Variants in PACRG observed in about 807,000 individuals in gnomAD.
PACRG encodes the protein parkin coregulated, also known as parkin coregulated gene protein.
PACRG carries 29 observed loss-of-function variants against 29.7 expected under a neutral mutation model. The ratio of observed to expected loss-of-function variants is 0.98; its 90% CI spans 0.73 to 1.33. The LOEUF is 1.33. Among genes scored for constraint, PACRG ranks in the 40% most tolerant of loss-of-function variants. The pLI, the probability that PACRG is intolerant of heterozygous loss-of-function variation, is 0.00. For synonymous variants in PACRG, 116 were observed against 118.7 expected, an observed-to-expected ratio of 0.98 and a Z score of 0.15; for missense variants, 279 against 316.2, an observed-to-expected ratio of 0.88 and a Z score of 0.89.
intron 4 of PACRG, among the ~76,000 whole-genome samples, chr6:163,277,909 C>A (rs928969899): frequency 1.3e-5 from 2 of 152,094 alleles, no homozygotes; most frequent in African/African-American, 4.8e-5. Context: ...AAGGAATCTC[C>A]ACACTATTTT....
rs199756569 is a variant in PACRG, at chr6:162,982,069, A to AT, written c.292-80078dup. Among the ~76,000 whole-genome samples, 1,077 of 151,716 alleles carry AT rather than the reference A, an allele frequency of 7.1e-3. 15 individuals are homozygous for AT. Among genetic ancestry groups the AT allele is most frequent in the African/African-American group, 0.025 (1,032 of 41,424 alleles). ...TTATCTATCTCCTCCAGATTTTCTA[A>AT]TTTGTGTGCATAAAGGTGTCTACAG... On this transcript the variant is annotated intron_variant, in intron 2 of 4. Coordinates refer to ENST00000366888, the MANE Select transcript of PACRG (RefSeq NM_001080379.2).
At chr6:163,244,778 A>C (rs1207408668) in intron 4 of PACRG, among the ~76,000 whole-genome samples, 1 of 152,258 alleles carries the variant, frequency 6.6e-6, no homozygotes, top group African/African-American at 2.4e-5. Context: ...AGTGAGCAGT[A>C]CTAAAATGAA....
At chr6:162,820,169 ATGCTGTGAATAAATTAATTAGATG>A (rs1787720150) in intron 2 of PACRG, among the ~76,000 whole-genome samples, 1 of 152,220 alleles carries the variant, frequency 6.6e-6, no homozygotes, top group Non-Finnish European at 1.5e-5. Flanking sequence ...AGTAAAGGAA[ATGCTGTGAATAAATTAATTAGATG>A]CATAAATCAG....
chr6:163,137,006 A>G (rs980574397), intron 4 of PACRG, among the ~76,000 whole-genome samples: 30 of 152,216 alleles, frequency 2.0e-4, no homozygotes, highest in Admixed American at 9.8e-4. Context: ...CGGAACTCCT[A>G]TTTACAGCCA....
chr6:162,824,545 AT>A (rs1219078687), intron 2 of PACRG, among the ~76,000 whole-genome samples: 1 of 152,108 alleles, frequency 6.6e-6, no homozygotes, highest in Admixed American at 6.5e-5. Flanking sequence ...TTCATAGATA[AT>A]TTTGTGGTAT....
intron 2 of PACRG, among the ~76,000 whole-genome samples, chr6:162,908,070 G>A (rs1487968791): frequency 2.6e-5 from 4 of 152,050 alleles, no homozygotes; most frequent in African/African-American, 9.7e-5. Flanking sequence ...CTGCAATTTG[G>A]GTATGTAACC....
intron 1 of PACRG, among the ~76,000 whole-genome samples, chr6:162,799,723 A>G (rs1378813635): frequency 6.6e-6 from 1 of 152,022 alleles, no homozygotes; most frequent in Non-Finnish European, 1.5e-5. Flanking sequence ...CTTCTGGAGA[A>G]TTTCAGTTTG....
chr6:163,163,289 C>T (rs887192355), intron 4 of PACRG, among the ~76,000 whole-genome samples: 7 of 151,922 alleles, frequency 4.6e-5, no homozygotes, highest in African/African-American at 1.2e-4. Context: ...GTTTTCTTTT[C>T]GAGACAGAGT....
chr6:163,292,174 C>T (rs1000804586), intron 4 of PACRG, among the ~76,000 whole-genome samples: 1 of 152,082 alleles, frequency 6.6e-6, no homozygotes, highest in African/African-American at 2.4e-5. Flanking sequence ...GCGGTGGTGG[C>T]AACAGAAACA....
chr6:163,028,555 C>G (rs1807358074), intron 2 of PACRG, among the ~76,000 whole-genome samples: 1 of 151,862 alleles, frequency 6.6e-6, no homozygotes, highest in South Asian at 2.1e-4. Context: ...AAAACTGGCT[C>G]CATACAAATA....
chr6:162,730,432 A>G (rs2128247215), intron 1 of PACRG, among the ~76,000 whole-genome samples: 1 of 152,048 alleles, frequency 6.6e-6, no homozygotes, highest in African/African-American at 2.4e-5. Context: ...CACCCTCCAA[A>G]CCACTTTTCC....
intron 4 of PACRG, among the ~76,000 whole-genome samples, chr6:163,173,964 C>G (rs544745566): frequency 6.6e-6 from 1 of 152,340 alleles, no homozygotes; most frequent in Admixed American, 6.5e-5. Flanking sequence ...AGTTATGACT[C>G]AAGGCACAAA....
At chr6:163,020,685 C>G (rs1314661414) in intron 2 of PACRG, among the ~76,000 whole-genome samples, 1 of 152,116 alleles carries the variant, frequency 6.6e-6, no homozygotes, top group Non-Finnish European at 1.5e-5. Context: ...TAAGGAATGA[C>G]AGATCACCGA....
intron 2 of PACRG, among the ~76,000 whole-genome samples, chr6:162,866,482 T>A (rs1324447472): frequency 6.6e-6 from 1 of 152,032 alleles, no homozygotes; most frequent in Non-Finnish European, 1.5e-5. Context: ...CTTACTGACA[T>A]AGAAACCCTA....
chr6:162,832,689 T>C (rs1788885687), intron 2 of PACRG, among the ~76,000 whole-genome samples: 1 of 152,158 alleles, frequency 6.6e-6, no homozygotes, highest in African/African-American at 2.4e-5. Context: ...AGCTTCTGCA[T>C]AAATTTTTCC....
chr6:163,072,039 C>A, intron 3 of PACRG, among the ~76,000 whole-genome samples: 2 of 76,918 alleles, frequency 2.6e-5, no homozygotes, highest in African/African-American at 5.0e-5. Flanking sequence ...TCAAACTATT[C>A]CCAAAAAAAA....
intron 2 of PACRG, among the ~76,000 whole-genome samples, chr6:162,903,781 A>G (rs1795738010): frequency 6.6e-6 from 1 of 152,150 alleles, no homozygotes; most frequent in Non-Finnish European, 1.5e-5. Context: ...TAATTTGGGA[A>G]ACTGCCCCCA....
intron 2 of PACRG, among the ~76,000 whole-genome samples, chr6:162,940,258 A>G (rs1019149285): frequency 6.6e-6 from 1 of 152,094 alleles, no homozygotes; most frequent in African/African-American, 2.4e-5. Flanking sequence ...ACTCAAACTT[A>G]CTGCCCTACA....
intron 3 of PACRG, among the ~76,000 whole-genome samples, chr6:163,070,244 A>G (rs1028762966): frequency 6.6e-6 from 1 of 152,128 alleles, no homozygotes; most frequent in Admixed American, 6.5e-5. Context: ...TGGTAATAGT[A>G]AGTACACAGA....
Sources: gnomAD v4.1 joint callset for allele counts (sites outside exome capture counted in the v4.1 genomes callset) on GRCh38, gnomAD v4.1.1 for gene constraint, MANE v1.5 for transcripts, NCBI Gene and HGNC (gene_info 2026-07-23, HGNC 2026-07-21) for gene names.